The following ANTXR1 variants were observed in gnomAD, a reference collection of about 807,000 sequenced individuals.
ANTXR1 encodes the protein ANTXR cell adhesion molecule 1, also known as anthrax toxin receptor 1.
ANTXR1 carries 19 observed loss-of-function variants against 78.1 expected under a neutral mutation model. That is an observed-to-expected ratio of 0.24 (90% CI 0.17 to 0.36). The LOEUF (loss-of-function observed/expected upper bound fraction) is 0.36, where lower values mean the gene tolerates loss of function less well. Among genes scored for constraint, ANTXR1 ranks in the 10% least tolerant of loss-of-function variants. The probability of loss-of-function intolerance (pLI) is 1.00; values close to 1 mark genes in which losing one functional copy is unlikely to be tolerated. For synonymous variants in ANTXR1, 273 were observed against 260.5 expected (o/e 1.05, Z -0.46); for missense variants, 518 against 718.6 (o/e 0.72, Z 3.19).
At chr2:69,067,294 G>T (rs141392642) in intron 3 of ANTXR1, among the ~76,000 whole-genome samples, 2 of 141,688 alleles carry the variant, frequency 1.4e-5, no homozygotes, top group African/African-American at 2.8e-5. Context: ...ACAGCCTTTG[G>T]TTGTTCTGGT....
intron 12 of ANTXR1, among the ~76,000 whole-genome samples, chr2:69,148,311 C>T (rs1673287865): frequency 1.3e-5 from 2 of 152,196 alleles, no homozygotes; most frequent in South Asian, 4.1e-4. Flanking sequence ...GGGACTTGTG[C>T]TTGCCTTTTT....
intron 10 of ANTXR1, among the ~76,000 whole-genome samples, chr2:69,118,611 T>C (rs1672232890): frequency 6.6e-6 from 1 of 152,080 alleles, no homozygotes; most frequent in South Asian, 2.1e-4. Flanking sequence ...AATGGCCACC[T>C]AGAGGGTGGA....
At chr2:69,218,311 A>G (rs4241350) in intron 17 of ANTXR1, among the ~76,000 whole-genome samples, 148,642 of 152,294 alleles carry the variant, frequency 0.98, 72,567 homozygotes, top group East Asian at 1. Context: ...GAAGGCAATA[A>G]TACTAAATGA....
Position 69,219,814 on chromosome 2 carries a change from C to T in ANTXR1, c.1435-25411C>T, listed in dbSNP as rs116204711. Among the ~76,000 whole-genome samples, 868 of 152,240 alleles carry T rather than the reference C, an allele frequency of 5.7e-3. 10 individuals are homozygous for T. Among genetic ancestry groups the T allele is most frequent in the African/African-American group, 0.02 (812 of 41,526 alleles). ...GTCCTAGAAAGCTTCCCAGCTTGTC[C>T]GAAACCTCTTGACTGAAGTGCCCAC... On this transcript the variant is annotated intron_variant, in intron 17 of 17. Coordinates refer to ENST00000303714, the MANE Select transcript of ANTXR1 (RefSeq NM_032208.3).
In ANTXR1 at chr2:69,056,690, T is replaced by A. The variant is rs1335223273; in HGVS notation, c.296+11877T>A. 2.0e-5 allele frequency among the ~76,000 whole-genome samples: 3 copies of A among 152,306 alleles called. No homozygotes were observed. In the East Asian group the frequency reaches 5.8e-4, roughly 29 times the overall value. On this transcript the variant is annotated intron_variant, in intron 3 of 17. Coordinates refer to ENST00000303714, the MANE Select transcript of ANTXR1 (RefSeq NM_032208.3). ...TAAACTTTTTTTAAAATTTTATTTATTTTTGAGAGGGTTTTGCTCTGTTGC... is the reference window on the plus strand; with the variant it reads ...TAAACTTTTTTTAAAATTTTATTTAATTTTGAGAGGGTTTTGCTCTGTTGC...
chr2:69,195,896 T>G (rs538527081), intron 17 of ANTXR1, among the ~76,000 whole-genome samples: 1 of 152,312 alleles, frequency 6.6e-6, no homozygotes, highest in East Asian at 1.9e-4. Flanking sequence ...TAAAATATGT[T>G]AACATTCCAT....
chr2:69,165,101 G>T (rs1377813216), intron 13 of ANTXR1, among the ~76,000 whole-genome samples: 4 of 152,190 alleles, frequency 2.6e-5, no homozygotes, highest in Non-Finnish European at 4.4e-5. Flanking sequence ...GGAACTCAGG[G>T]GTGTACCCCA....
chr2:69,132,521 C>G (rs1010943164), intron 12 of ANTXR1, among the ~76,000 whole-genome samples: 2 of 152,224 alleles, frequency 1.3e-5, no homozygotes, highest in African/African-American at 4.8e-5. Flanking sequence ...TTTCACCAGC[C>G]CGGTAGGGAG....
intron 14 of ANTXR1, among the ~76,000 whole-genome samples, chr2:69,176,989 G>A (rs370091834): frequency 1.1e-4 from 16 of 152,262 alleles, no homozygotes; most frequent in South Asian, 4.1e-4. Flanking sequence ...ACAACTCCAG[G>A]GGACGCTATT....
At position 69,013,482 on chromosome 2, in the gene ANTXR1, C is replaced by G; in HGVS notation, c.-18C>G. 6.3e-7 allele frequency: 1 copy of G among 1,585,872 alleles called. No homozygotes were observed. The highest frequency in any genetic ancestry group is 8.6e-7 in the Non-Finnish European group (1 of 1,168,472). The stretch of plus-strand genomic sequence containing the variant: ...AGCGTGGGAAGGAGCGGACCCTGCT[C>G]TCCCCGGGCTGCGGGCCATGGCCAC... On this transcript the variant is annotated 5_prime_UTR_variant, in exon 1 of 18. Coordinates refer to ENST00000303714, the MANE Select transcript of ANTXR1 (RefSeq NM_032208.3). The surrounding 1 kb of genome is among the most constrained non-coding windows in gnomAD (Gnocchi z 5.0).
intron 10 of ANTXR1, among the ~76,000 whole-genome samples, chr2:69,104,087 C>T (rs997991707): frequency 6.6e-5 from 10 of 151,946 alleles, no homozygotes; most frequent in Admixed American, 5.2e-4. Flanking sequence ...TACAGGTGTG[C>T]ATCACTACAC....
At chr2:69,187,359 T>C (rs1339463952) in intron 16 of ANTXR1, among the ~76,000 whole-genome samples, 2 of 151,966 alleles carry the variant, frequency 1.3e-5, no homozygotes, top group Admixed American at 6.5e-5. Context: ...AAATTGGAGC[T>C]GACCATTTCA....
intron 3 of ANTXR1, among the ~76,000 whole-genome samples, chr2:69,068,981 C>T (rs748149872): frequency 1.4e-4 from 22 of 152,084 alleles, no homozygotes; most frequent in Admixed American, 1.0e-3. Context: ...CTGACTTGGG[C>T]GGCTGGGCAT....
At chr2:69,187,845 G>A (rs1370675807) in intron 16 of ANTXR1, among the ~76,000 whole-genome samples, 7 of 151,056 alleles carry the variant, frequency 4.6e-5, no homozygotes, top group African/African-American at 1.2e-4. Context: ...CGCCTCGGCC[G>A]CCCATAGTGC....
chr2:69,140,217 T>A (rs1391914579), intron 12 of ANTXR1, among the ~76,000 whole-genome samples: 1 of 152,210 alleles, frequency 6.6e-6, no homozygotes, highest in African/African-American at 2.4e-5. Flanking sequence ...TGGGAGTATG[T>A]CATCAATCTT....
At chr2:69,229,868 C>T (rs1392162671) in intron 17 of ANTXR1, among the ~76,000 whole-genome samples, 2 of 151,896 alleles carry the variant, frequency 1.3e-5, no homozygotes, top group East Asian at 1.9e-4. Context: ...CAGGAGTGTA[C>T]ATTGGACTTG....
At chr2:69,019,551 T>A (rs960811896) in intron 1 of ANTXR1, among the ~76,000 whole-genome samples, 1 of 152,136 alleles carries the variant, frequency 6.6e-6, no homozygotes, top group African/African-American at 2.4e-5. Flanking sequence ...AACTTTTAAG[T>A]TCAGGGGTAC....
intron 1 of ANTXR1, among the ~76,000 whole-genome samples, chr2:69,036,417 TTTATTA>T (rs1379358627): frequency 6.6e-6 from 1 of 152,228 alleles, no homozygotes; most frequent in Non-Finnish European, 1.5e-5. Context: ...TAAATTATTA[TTTATTA>T]TTATTGACTA....
chr2:69,239,750 C>G (rs1675852096), intron 17 of ANTXR1, among the ~76,000 whole-genome samples: 1 of 152,170 alleles, frequency 6.6e-6, no homozygotes, highest in Non-Finnish European at 1.5e-5. Context: ...ACCCACAAGG[C>G]AGACCACAGC....
Sources: gnomAD v4.1 joint callset for allele counts (sites outside exome capture counted in the v4.1 genomes callset) on GRCh38, gnomAD v4.1.1 for gene constraint, Gnocchi (gnomAD v3.1) non-coding constraint, MANE v1.5 for transcripts, NCBI Gene and HGNC (gene_info 2026-07-23, HGNC 2026-07-21) for gene names.